Variants in GBP7 observed in about 807,000 individuals in gnomAD.
The protein encoded by GBP7 is guanylate-binding protein 7.
A neutral mutation model predicts 61.3 loss-of-function variants in GBP7; 43 were observed. The ratio of observed to expected loss-of-function variants is 0.70; its 90% CI spans 0.55 to 0.91. The LOEUF is 0.91. GBP7 is among the 40% of genes least tolerant of loss of function. GBP7 has a pLI of 0.00. For missense variants in GBP7, 717 were observed against 740.5 expected, an observed-to-expected ratio of 0.97 and a Z score of 0.37; for synonymous variants, 267 against 271.0, an observed-to-expected ratio of 0.99 and a Z score of 0.14.
At chr1:89,159,932 T>G (rs1682398884) in intron 3 of GBP7, among the ~76,000 whole-genome samples, 1 of 152,106 alleles carries the variant, frequency 6.6e-6, no homozygotes, top group Non-Finnish European at 1.5e-5. Context: ...TTTGGCACTA[T>G]TCACAACAGC....
chr1:89,147,301 CA>C (rs1322528999), intron 8 of GBP7, among the ~76,000 whole-genome samples: 1 of 152,064 alleles, frequency 6.6e-6, no homozygotes, highest in Non-Finnish European at 1.5e-5. Flanking sequence ...GTACTTAGCA[CA>C]AAAACTATCA....
chr1:89,168,292 C>T (rs986060198), intron 2 of GBP7, among the ~76,000 whole-genome samples: 2 of 152,166 alleles, frequency 1.3e-5, no homozygotes, highest in African/African-American at 4.8e-5. Flanking sequence ...CTCCAGTCAA[C>T]TAGGTCTGCT....
intron 8 of GBP7, among the ~76,000 whole-genome samples, chr1:89,143,925 A>G (rs535037357): frequency 2.0e-5 from 3 of 152,284 alleles, no homozygotes; most frequent in East Asian, 3.9e-4. Context: ...GGTTTGTTAC[A>G]TGACTATATT....
At chr1:89,162,839 C>G (rs146054013) in intron 3 of GBP7, among the ~76,000 whole-genome samples, 1 of 152,092 alleles carries the variant, frequency 6.6e-6, no homozygotes, top group African/African-American at 2.4e-5. Context: ...TGTCTTGTGC[C>G]GGTTTTCAAG....
At chr1:89,152,012 C>T (rs534619524) in intron 5 of GBP7, among the ~76,000 whole-genome samples, 1 of 152,272 alleles carries the variant, frequency 6.6e-6, no homozygotes, top group South Asian at 2.1e-4. Flanking sequence ...ATATATTTTT[C>T]ATGGTACTTA....
At position 89,161,946 on chromosome 1, in the gene GBP7, A is replaced by T. The variant is rs559657686; in HGVS notation, c.318+2785T>A. ...TAATCCATCTTGAGTTAACTTTTGT[A>T]TATGGTCTAAGTAAAGGGTCCAATT... On this transcript the variant is annotated intron_variant, in intron 3 of 10. Coordinates refer to ENST00000294671, the MANE Select transcript of GBP7 (RefSeq NM_207398.3). 2.3e-3 allele frequency among the ~76,000 whole-genome samples: 344 copies of T among 151,634 alleles called. 2 individuals are homozygous for T. The highest frequency in any genetic ancestry group is 8.0e-3 in the African/African-American group (329 of 41,360).
At chr1:89,152,621 TC>T in intron 4 of GBP7, 46 bp downstream of exon 4, 1 of 1,565,194 alleles carries the variant, frequency 6.4e-7, no homozygotes, top group Non-Finnish European at 8.7e-7. Context: ...CAGTTTCCAT[TC>T]CCCTAAACTC....
chr1:89,141,300 G>C (rs1191101517), intron 9 of GBP7, among the ~76,000 whole-genome samples: 2 of 152,110 alleles, frequency 1.3e-5, no homozygotes, highest in African/African-American at 4.8e-5. Context: ...ACCAAGGTGG[G>C]GAATTGAGAA....
intron 2 of GBP7, among the ~76,000 whole-genome samples, chr1:89,167,433 G>T (rs185350051): frequency 2.9e-4 from 44 of 152,074 alleles, no homozygotes; most frequent in African/African-American, 9.4e-4. Context: ...GTGTTTTTTT[G>T]TTTGTTTGTT....
intron 9 of GBP7, among the ~76,000 whole-genome samples, chr1:89,140,988 AC>A (rs1311240771): frequency 6.6e-6 from 1 of 152,174 alleles, no homozygotes; most frequent in Non-Finnish European, 1.5e-5. Flanking sequence ...ATGAGTGGGA[AC>A]TAAATATTGA....
chr1:89,142,102 T>C (rs1223108024), intron 8 of GBP7, among the ~76,000 whole-genome samples: 1 of 152,226 alleles, frequency 6.6e-6, no homozygotes, highest in East Asian at 1.9e-4. Context: ...ATTTATTTAC[T>C]TTTGATCACT....
intron 9 of GBP7, among the ~76,000 whole-genome samples, chr1:89,137,535 G>A (rs187849772): frequency 2.6e-5 from 4 of 151,974 alleles, no homozygotes; most frequent in African/African-American, 9.6e-5. Context: ...TCACACAAAC[G>A]GGACTCAGAA....
At chr1:89,158,413 T>G (rs1006674969) in intron 3 of GBP7, among the ~76,000 whole-genome samples, 2 of 152,142 alleles carry the variant, frequency 1.3e-5, no homozygotes, top group African/African-American at 4.8e-5. Context: ...AAAGAGGAAA[T>G]CAAATTGTCC....
At position 89,133,395 on chromosome 1, in the gene GBP7, G is replaced by A. The variant is rs1482835578; in HGVS notation, c.1525C>T (p.Gln509Ter). The change falls in exon 10 of 11, where the codon CAG becomes TAG. Residue 509 changes from glutamine to a stop codon, truncating the protein, a stop_gained. Transcript: ENST00000294671. LOFTEE classifies it high-confidence loss of function. ...TCCATCATTTGCTGCTGTTCCTTCT[G>A]TTTTTGTCTTAGCAGCTCCTGTTCC... ...EKEQELLRQK[Q>*]KEQQQMMEAQ... 2.5e-6 allele frequency: 4 copies of A among 1,614,028 alleles called. No individual in the cohort carries two copies. The South Asian group carries it at 4.4e-5, about 18-fold the overall frequency.
chr1:89,157,128 C>A (rs564807803), intron 3 of GBP7, among the ~76,000 whole-genome samples: 1 of 152,218 alleles, frequency 6.6e-6, no homozygotes, highest in South Asian at 2.1e-4. Context: ...ATAATGAAGG[C>A]AGAAATAAAG....
chr1:89,164,865 G>A lies in GBP7; in HGVS notation c.191-7C>T, dbSNP rs1647379827. 6.2e-7 allele frequency: 1 copy of A among 1,613,282 alleles called. No homozygotes were observed. Among genetic ancestry groups the A allele is most frequent in the Admixed American group, 1.7e-5 (1 of 59,982 alleles). ...GTGCAGCCCAGAGGGAAGCCTTCAAGGGAAGAGGAGAAACAACATATAGTG... is the reference window on the plus strand; with the variant it reads ...GTGCAGCCCAGAGGGAAGCCTTCAAAGGAAGAGGAGAAACAACATATAGTG... On this transcript the variant is annotated splice_polypyrimidine_tract_variant and splice_region_variant and intron_variant, in intron 2 of 10. Coordinates refer to ENST00000294671, the MANE Select transcript of GBP7 (RefSeq NM_207398.3).
chr1:89,163,909 ACT>A (rs1647345577), intron 3 of GBP7, among the ~76,000 whole-genome samples: 1 of 150,630 alleles, frequency 6.6e-6, no homozygotes, highest in Non-Finnish European at 1.5e-5. Context: ...TCACTCTGTC[ACT>A]CAGGCTGGAG....
At chr1:89,149,188 C>T (rs1682134418) in intron 7 of GBP7, 104 bp downstream of exon 7, 1 of 975,446 alleles carries the variant, frequency 1.0e-6, no homozygotes, top group African/African-American at 1.6e-5. Flanking sequence ...AATCCAATCT[C>T]CCTTTACTAC....
intron 3 of GBP7, among the ~76,000 whole-genome samples, chr1:89,161,597 G>T (rs1040271939): frequency 6.6e-6 from 1 of 151,706 alleles, no homozygotes. Flanking sequence ...GTCTGTTCAT[G>T]TCTTTTGCCC....
Sources: allele counts gnomAD v4.1 joint callset (sites outside exome capture counted in the v4.1 genomes callset), GRCh38; gene constraint gnomAD v4.1.1; transcripts MANE v1.5; gene names NCBI Gene and HGNC (gene_info 2026-07-23, HGNC 2026-07-21).